Variants in CARMIL1 observed in about 807,000 individuals in gnomAD.
CARMIL1 encodes F-actin-uncapping protein LRRC16A.
In CARMIL1, 90 loss-of-function variants were observed where a neutral mutation model predicts 177.1. The observed-to-expected ratio is 0.51, with a 90% CI of 0.43 to 0.61. The LOEUF is 0.61. CARMIL1 is among the 20% of genes least tolerant of loss of function. CARMIL1 has a pLI of 0.00. For synonymous variants in CARMIL1, 577 were observed against 606.2 expected, an observed-to-expected ratio of 0.95 and a Z score of 0.71; for missense variants, 1,380 against 1,667.0, an observed-to-expected ratio of 0.83 and a Z score of 3.00.
intron 2 of CARMIL1, among the ~76,000 whole-genome samples, chr6:25,290,871 C>G (rs556302944): frequency 2.0e-5 from 3 of 152,304 alleles, no homozygotes; most frequent in South Asian, 2.1e-4. Flanking sequence ...GAGCCTTGCT[C>G]AAGTGATTGC....
chr6:25,618,570 A>G (rs1759479974), intron 36 of CARMIL1, among the ~76,000 whole-genome samples: 1 of 152,266 alleles, frequency 6.6e-6, no homozygotes, highest in Admixed American at 6.5e-5. Context: ...TGGAAAGAAC[A>G]TAGGCTTTGG....
chr6:25,316,553 A>C (rs1784292701), intron 2 of CARMIL1, among the ~76,000 whole-genome samples: 1 of 151,922 alleles, frequency 6.6e-6, no homozygotes, highest in African/African-American at 2.4e-5. Flanking sequence ...CTGGAATTAC[A>C]GGCGCATGTC....
chr6:25,537,434 C>T (rs1216670505), intron 24 of CARMIL1, among the ~76,000 whole-genome samples: 2 of 152,146 alleles, frequency 1.3e-5, no homozygotes, highest in African/African-American at 4.8e-5. Flanking sequence ...CAGTGTTGCA[C>T]ATTTTATTTC....
At chr6:25,609,354 T>A (rs967918979) in intron 35 of CARMIL1, among the ~76,000 whole-genome samples, 6 of 151,486 alleles carry the variant, frequency 4.0e-5, no homozygotes, top group Non-Finnish European at 7.4e-5. Context: ...TAATCCCAGC[T>A]ACTTGGGAGG....
At chr6:25,387,080 C>CTCCA (rs1046953907) in intron 2 of CARMIL1, among the ~76,000 whole-genome samples, 7 of 141,158 alleles carry the variant, frequency 5.0e-5, no homozygotes, top group African/African-American at 2.0e-4. Flanking sequence ...CACCATTGCA[C>CTCCA]TCCAGCCTGG....
At chr6:25,445,033 C>T (rs1217987635) in intron 5 of CARMIL1, among the ~76,000 whole-genome samples, 1 of 152,220 alleles carries the variant, frequency 6.6e-6, no homozygotes, top group African/African-American at 2.4e-5. Context: ...TCTCCAGCAT[C>T]TGTTGTTCCC....
intron 2 of CARMIL1, 60 bp from the exon 3 acceptor site, chr6:25,420,054 C>A: frequency 7.4e-7 from 1 of 1,359,800 alleles, no homozygotes; most frequent in East Asian, 2.3e-5. Context: ...GTGGAAACAC[C>A]AAAGCCCACT....
At chr6:25,295,849 T>C (rs1782333825) in intron 2 of CARMIL1, among the ~76,000 whole-genome samples, 1 of 152,230 alleles carries the variant, frequency 6.6e-6, no homozygotes, top group Non-Finnish European at 1.5e-5. Context: ...AGCTTTTTCC[T>C]TGGCTGAATC....
At position 25,614,209 on chromosome 6, in the gene CARMIL1, G is replaced by T. The variant is rs138511065; in HGVS notation, c.3979+4028G>T. ...GCCAGTGCCATGGGCTCAGCCACAT[G>T]TGCTCACTTGCCTGGGGTTCCGGCG... On this transcript the variant is annotated intron_variant, in intron 36 of 36. Coordinates refer to ENST00000329474, the MANE Select transcript of CARMIL1 (RefSeq NM_017640.6). Among the ~76,000 whole-genome samples, 29 of 152,302 alleles carry T rather than the reference G, an allele frequency of 1.9e-4. No individual in the cohort carries two copies. The East Asian group carries it at 5.4e-3, about 28-fold the overall frequency.
At chr6:25,416,479 T>C (rs368239988) in intron 2 of CARMIL1, among the ~76,000 whole-genome samples, 2 of 152,224 alleles carry the variant, frequency 1.3e-5, no homozygotes, top group East Asian at 3.8e-4. Context: ...TATAGGGTGC[T>C]GTGAGGATTA....
intron 35 of CARMIL1, 70 bp downstream of exon 35, chr6:25,606,343 T>C (rs1753383660): frequency 6.9e-7 from 1 of 1,451,702 alleles, no homozygotes; most frequent in Non-Finnish European, 9.3e-7. Context: ...GATCAGACTC[T>C]GCAGGTGGTT....
intron 31 of CARMIL1, among the ~76,000 whole-genome samples, chr6:25,586,043 C>G (rs370962131): frequency 6.6e-6 from 1 of 152,178 alleles, no homozygotes; most frequent in Admixed American, 6.5e-5. Flanking sequence ...TCATGGCCCG[C>G]CCTCAATGAG....
At chr6:25,593,502 G>T (rs1814523159) in intron 31 of CARMIL1, among the ~76,000 whole-genome samples, 1 of 152,168 alleles carries the variant, frequency 6.6e-6, no homozygotes, top group Admixed American at 6.5e-5. Context: ...TGGATATTAT[G>T]AAATACTCAA....
intron 24 of CARMIL1, among the ~76,000 whole-genome samples, chr6:25,534,145 A>G (rs1249146180): frequency 1.3e-5 from 2 of 151,374 alleles, no homozygotes; most frequent in African/African-American, 4.9e-5. Context: ...CAAGAACTAC[A>G]AGAACTAGTT....
In CARMIL1 at chr6:25,279,732, G is replaced by T; in HGVS notation, c.-64G>T. 2 of 1,521,578 alleles carry T rather than the reference G, an allele frequency of 1.3e-6. No homozygotes were observed. Among genetic ancestry groups the T allele is most frequent in the Non-Finnish European group, 1.8e-6 (2 of 1,095,650 alleles). The allele number at this position is 1,521,578 out of a possible 1,614,324, so 94.3% of individuals were successfully genotyped here. A position where few individuals can be genotyped will look rare whatever the true frequency, so the allele number is the denominator to read the frequency against. On this transcript the variant is annotated 5_prime_UTR_variant, in exon 1 of 37. Transcript: ENST00000329474. The stretch of plus-strand genomic sequence containing the variant: ...TCTCTAAAAAAATTGAGGAGTTCGG[G>T]GAAGGGCAGGGGGCCATAAATCAGA...
chr6:25,546,307 G>C (rs115280979), intron 26 of CARMIL1, among the ~76,000 whole-genome samples: 2,967 of 152,220 alleles, frequency 0.019, 73 homozygotes, highest in African/African-American at 0.058. Context: ...AAAATTATCA[G>C]AATTTGCAGA....
Position 25,488,538 on chromosome 6 carries a change from G to T in CARMIL1, c.1018G>T (p.Val340Phe). ...CAATCCATTGACCGCCTCTACCCTT[G>T]TCCACCTCGACCTCTCAGGGAACGT... is the stretch of plus-strand genomic sequence containing the variant. ...SANPLTASTL[V>F]HLDLSGNVLR... Residue 340 changes from valine (V) to phenylalanine (F), a missense_variant, in exon 13 of 37, where the codon GTC (valine) becomes TTC (phenylalanine). Physicochemically the swap from Val to Phe is conservative, Grantham distance 50. Transcript: ENST00000329474. The T allele has an allele frequency of 6.2e-7, 1 of 1,613,934 alleles. No individual in the cohort carries two copies. Among genetic ancestry groups the T allele is most frequent in the Non-Finnish European group, 8.5e-7 (1 of 1,179,864 alleles).
At chr6:25,459,219 T>A in intron 8 of CARMIL1, among the ~76,000 whole-genome samples, 1 of 63,898 alleles carries the variant, frequency 1.6e-5, no homozygotes, top group Non-Finnish European at 2.9e-5. Context: ...TTTTTCTTTC[T>A]TTCTTTCTTT....
chr6:25,439,647 C>T (rs951777956), intron 5 of CARMIL1, among the ~76,000 whole-genome samples: 1 of 152,044 alleles, frequency 6.6e-6, no homozygotes, highest in East Asian at 1.9e-4. Context: ...ACATAGGCAC[C>T]TTGATGAGAG....
Sources: allele counts gnomAD v4.1 joint callset (sites outside exome capture counted in the v4.1 genomes callset), GRCh38; gene constraint gnomAD v4.1.1; transcripts MANE v1.5; gene names NCBI Gene and HGNC (gene_info 2026-07-23, HGNC 2026-07-21).